Variants in GTSE1 observed in about 807,000 individuals in gnomAD.
The protein encoded by GTSE1 is G2 and S phase-expressed protein 1.
In GTSE1, 52 loss-of-function variants were observed where a neutral mutation model predicts 60.5. The observed-to-expected ratio is 0.86, with a 90% CI of 0.69 to 1.08. The LOEUF (loss-of-function observed/expected upper bound fraction) is 1.08. Among genes scored for constraint, GTSE1 ranks in the 50% least tolerant of loss-of-function variants. The pLI is 0.00. For synonymous variants in GTSE1, 368 were observed against 386.5 expected (o/e 0.95, Z 0.56); for missense variants, 937 against 961.8 (o/e 0.97, Z 0.34).
chr22:46,318,604 A>T lies in GTSE1; in HGVS notation c.1432+2192A>T, dbSNP rs544829929. 6.6e-5 allele frequency among the ~76,000 whole-genome samples: 10 copies of T among 152,254 alleles called. No individual in the cohort carries two copies. The East Asian group carries it at 1.5e-3, about 24-fold the overall frequency. On this transcript the variant is annotated intron_variant, in intron 7 of 11. Transcript: ENST00000454366. This position sits in a 1 kb window ranked among gnomAD's most constrained non-coding sequence, Gnocchi z 4.8. Reference sequence around the variant, plus strand: ...CTTTGGCAAAGATGGTCAGGAGGTGACACGGGACTGAGATCTGAACCAGGA... The same window carrying T: ...CTTTGGCAAAGATGGTCAGGAGGTGTCACGGGACTGAGATCTGAACCAGGA...
intron 8 of GTSE1, 31 bp downstream of exon 8, chr22:46,323,293 A>C (rs748886308): frequency 6.5e-7 from 1 of 1,528,434 alleles, no homozygotes; most frequent in Non-Finnish European, 9.1e-7. Context: ...TCCTCTCTTT[A>C]TTGCTGTAGA....
rs552734773 is a variant in GTSE1 at position 46,321,754 on chromosome 22, G to T, written c.1433-1436G>T. 3.9e-5 allele frequency among the ~76,000 whole-genome samples: 6 copies of T among 152,278 alleles called. No individual in the cohort carries two copies. The highest frequency in any genetic ancestry group is 3.3e-4 in the Admixed American group (5 of 15,284). On this transcript the variant is annotated intron_variant, in intron 7 of 11. Transcript: ENST00000454366. This position sits in a 1 kb window ranked among gnomAD's most constrained non-coding sequence, Gnocchi z 4.0. ...ACCTTCATTTTTAAAAACTGTGCAT[G>T]AGTCACTTTGATAGAGGTGATTTTT...
chr22:46,299,959 A>ATTT (rs130640), intron 2 of GTSE1, among the ~76,000 whole-genome samples: 44 of 100,212 alleles, frequency 4.4e-4, no homozygotes, highest in Middle Eastern at 0.014. Context: ...CGCCCAGCTA[A>ATTT]TTTTTTTTTT....
rs1357540948 is a variant in GTSE1, at chr22:46,304,854, C to T, written c.80-3296C>T. On this transcript the variant is annotated intron_variant, in intron 2 of 11. Coordinates refer to ENST00000454366, the MANE Select transcript of GTSE1 (RefSeq NM_016426.7). This position sits in a 1 kb window ranked among gnomAD's most constrained non-coding sequence, Gnocchi z 4.4. ...ATTAGCCAGGGATGGTTGTGCGTGC[C>T]TGTAGTCCCAGCTACTCGGGAAGCC... Among the ~76,000 whole-genome samples, 2 of 152,234 alleles carry T rather than the reference C, an allele frequency of 1.3e-5. No individual in the cohort carries two copies. Among genetic ancestry groups the T allele is most frequent in the African/African-American group, 2.4e-5 (1 of 41,454 alleles).
Position 46,324,063 on chromosome 22 carries a change from A to C in GTSE1, c.1505+801A>C, listed in dbSNP as rs1224884103. Reference sequence around the variant, plus strand: ...CAGTTTAAGTTCCCGAATGTTGCTGACCTTTTTCCTCACGTCAAGTAGGGA... The same window carrying C: ...CAGTTTAAGTTCCCGAATGTTGCTGCCCTTTTTCCTCACGTCAAGTAGGGA... On this transcript the variant is annotated intron_variant, in intron 8 of 11. Transcript: ENST00000454366. The surrounding 1 kb of genome is among the most constrained non-coding windows in gnomAD (Gnocchi z 5.2). Among the ~76,000 whole-genome samples, 2 of 152,120 alleles carry C rather than the reference A, an allele frequency of 1.3e-5. No individual in the cohort carries two copies. The highest frequency in any genetic ancestry group is 4.8e-5 in the African/African-American group (2 of 41,414).
At chr22:46,301,930 A>AC (rs2077691755) in intron 2 of GTSE1, among the ~76,000 whole-genome samples, 1 of 152,150 alleles carries the variant, frequency 6.6e-6, no homozygotes, top group African/African-American at 2.4e-5. Context: ...GGAGTTCCAG[A>AC]CCAGCCTGAC....
At position 46,309,308 on chromosome 22, in the gene GTSE1, T is replaced by C. The variant is rs1254184405; in HGVS notation, c.762+365T>C. On this transcript the variant is annotated intron_variant, in intron 4 of 11. Transcript: ENST00000454366. This position sits in a 1 kb window ranked among gnomAD's most constrained non-coding sequence, Gnocchi z 6.2. Reference sequence around the variant, plus strand: ...TCCTTGACCGTGCCTCAGTTTACACTGCATTCCTCCTGGGCACTGAGTGAG... The same window carrying C: ...TCCTTGACCGTGCCTCAGTTTACACCGCATTCCTCCTGGGCACTGAGTGAG... 6.6e-6 allele frequency among the ~76,000 whole-genome samples: 1 copy of C among 152,214 alleles called. No individual in the cohort carries two copies. Among genetic ancestry groups the C allele is most frequent in the African/African-American group, 2.4e-5 (1 of 41,456 alleles).
In GTSE1 at chr22:46,297,242, A is replaced by G; in HGVS notation, c.-21-138A>G. On this transcript the variant is annotated intron_variant, in intron 1 of 11. Coordinates refer to ENST00000454366, the MANE Select transcript of GTSE1 (RefSeq NM_016426.7). This position sits in a 1 kb window ranked among gnomAD's most constrained non-coding sequence, Gnocchi z 4.9. ...GGGTCCCCTGGGATGCGATCATTTCAGAGCGGCCCCCGCGCCGCCTCTCCC... is the reference window on the plus strand; with the variant it reads ...GGGTCCCCTGGGATGCGATCATTTCGGAGCGGCCCCCGCGCCGCCTCTCCC... The G allele has an allele frequency of 1.6e-6, 1 of 641,376 alleles. No homozygotes were observed. The highest frequency in any genetic ancestry group is 2.8e-5 in the East Asian group (1 of 35,840). 39.7% of individuals were successfully genotyped at this position (641,376 alleles called of 1,614,324 possible). A position where few individuals can be genotyped will look rare whatever the true frequency, so the allele number is the denominator to read the frequency against.
intron 2 of GTSE1, among the ~76,000 whole-genome samples, chr22:46,298,027 A>G (rs1377218607): frequency 6.6e-6 from 1 of 151,988 alleles, no homozygotes; most frequent in Non-Finnish European, 1.5e-5. Flanking sequence ...CAAAGGCGTG[A>G]TCTGTACTCA....
chr22:46,313,912 TA>T lies in GTSE1; in HGVS notation c.954del (p.Ala319HisfsTer113), dbSNP rs1456302307. On this transcript the variant is annotated frameshift_variant, in exon 6 of 12. Transcript: ENST00000454366. LOFTEE classifies it high-confidence loss of function. This position sits in a 1 kb window ranked among gnomAD's most constrained non-coding sequence, Gnocchi z 4.4. The stretch of plus-strand genomic sequence containing the variant: ...CAGTTGGGGCTGAAGAAGACCCTGT[TA>T]AAAGCACCCGGCTCTACCAGCAATC... ...PNKLGLKKTLLKAPGSTSNLA... is the reference protein window; with the variant it reads ...PNKLGLKKTLXKAPGSTSNLA... The T allele has an allele frequency of 3.1e-6, 5 of 1,614,212 alleles. No individual in the cohort carries two copies. In the Admixed American group the frequency reaches 8.3e-5, roughly 27 times the overall value.
chr22:46,316,466 T>C lies in GTSE1; in HGVS notation c.1432+54T>C, dbSNP rs2077781440. ...TTTAAAAAATACTGAAGAAATTGCATTTAAAGTTTTAAACAATTATTGATG... is the reference window on the plus strand; with the variant it reads ...TTTAAAAAATACTGAAGAAATTGCACTTAAAGTTTTAAACAATTATTGATG... On this transcript the variant is annotated intron_variant, in intron 7 of 11. Transcript: ENST00000454366. This position sits in a 1 kb window ranked among gnomAD's most constrained non-coding sequence, Gnocchi z 5.0. 7.8e-6 allele frequency: 9 copies of C among 1,149,188 alleles called. No individual in the cohort carries two copies. The South Asian group carries it at 1.4e-4, about 18-fold the overall frequency. 71.2% of individuals were successfully genotyped at this position (1,149,188 alleles called of 1,614,324 possible). A position where few individuals can be genotyped will look rare whatever the true frequency, so the allele number is the denominator to read the frequency against.
rs1190939494 is a variant in GTSE1 at position 46,310,898 on chromosome 22, C to G, written c.763-1243C>G. ...TGAGCCAAGATGGCACCACTGAAAA[C>G]ATTTTGCTCAGTGAGAGAGGCCATA... On this transcript the variant is annotated intron_variant, in intron 4 of 11. Coordinates refer to ENST00000454366, the MANE Select transcript of GTSE1 (RefSeq NM_016426.7). This position sits in a 1 kb window ranked among gnomAD's most constrained non-coding sequence, Gnocchi z 4.4. Among the ~76,000 whole-genome samples, 7 of 152,110 alleles carry G rather than the reference C, an allele frequency of 4.6e-5. No homozygotes were observed. Among genetic ancestry groups the G allele is most frequent in the Non-Finnish European group, 8.8e-5 (6 of 68,026 alleles).
rs189478168 is a variant in GTSE1, at chr22:46,320,268, C to T, written c.1433-2922C>T. 5.9e-5 allele frequency among the ~76,000 whole-genome samples: 9 copies of T among 152,350 alleles called. No individual in the cohort carries two copies. Among genetic ancestry groups the T allele is most frequent in the Admixed American group, 1.3e-4 (2 of 15,304 alleles). ...CCCTGTTTCCCAGAGCGTGTCCCTG[C>T]GGTCTCCTTACGCACCTCTCAGATG... On this transcript the variant is annotated intron_variant, in intron 7 of 11. Coordinates refer to ENST00000454366, the MANE Select transcript of GTSE1 (RefSeq NM_016426.7). This position sits in a 1 kb window ranked among gnomAD's most constrained non-coding sequence, Gnocchi z 7.1.
At position 46,328,767 on chromosome 22, in the gene GTSE1, T is replaced by C. The variant is rs1363794774; in HGVS notation, c.1804T>C (p.Ser602Pro). ...DVSPDRGSPP[S>P]RVPQALNFSP... ...GTCCCCTGACAGGGGTTCTCCTCCT[T>C]CCCGTGTGCCTCAGGCACTTAACTT... Residue 602 changes from serine to proline, a missense_variant, in exon 10 of 12, where the codon TCC becomes CCC. Physicochemically the swap from Ser to Pro is moderately conservative, Grantham distance 74. Coordinates refer to ENST00000454366, the MANE Select transcript of GTSE1 (RefSeq NM_016426.7). The C allele has an allele frequency of 6.2e-7, 1 of 1,613,678 alleles. No individual in the cohort carries two copies. The highest frequency in any genetic ancestry group is 8.5e-7 in the Non-Finnish European group (1 of 1,179,528).
At position 46,308,802 on chromosome 22, in the gene GTSE1, C is replaced by T. The variant is rs768641304; in HGVS notation, c.621C>T (p.His207=). Residue 207 remains histidine, a synonymous_variant, in exon 4 of 12, where the codon CAC becomes CAT. Coordinates refer to ENST00000454366, the MANE Select transcript of GTSE1 (RefSeq NM_016426.7). ...ARLTRAPGPP[H]SAHALPRESC... ...TCACCCGGGCGCCGGGGCCTCCGCA[C>T]TCTGCTCATGCTTTGCCCAGGGAAT... The T allele has an allele frequency of 1.2e-6, 2 of 1,613,160 alleles. No homozygotes were observed. Among genetic ancestry groups the T allele is most frequent in the East Asian group, 2.2e-5 (1 of 44,900 alleles).
rs1443753335 is a variant in GTSE1, at chr22:46,317,293, G to A, written c.1432+881G>A. Among the ~76,000 whole-genome samples the A allele has an allele frequency of 6.6e-6, 1 of 152,100 alleles. No homozygotes were observed. Among genetic ancestry groups the A allele is most frequent in the African/African-American group, 2.4e-5 (1 of 41,424 alleles). Reference sequence around the variant, plus strand: ...AGCCTTTTTCCTTGAGCTACAGTTTGGGTAGTTTCTGTTGTCAGATATCAT... The same window carrying A: ...AGCCTTTTTCCTTGAGCTACAGTTTAGGTAGTTTCTGTTGTCAGATATCAT... On this transcript the variant is annotated intron_variant, in intron 7 of 11. Coordinates refer to ENST00000454366, the MANE Select transcript of GTSE1 (RefSeq NM_016426.7). The surrounding 1 kb of genome is among the most constrained non-coding windows in gnomAD (Gnocchi z 5.6).
intron 4 of GTSE1, among the ~76,000 whole-genome samples, chr22:46,311,628 T>A (rs2077749227): frequency 1.3e-5 from 2 of 152,220 alleles, no homozygotes; most frequent in Non-Finnish European, 2.9e-5. Flanking sequence ...TATGTAAGTA[T>A]AAATTAGTTC....
rs1382843026 is a variant in GTSE1, at chr22:46,324,214, G to A, written c.1505+952G>A. Among the ~76,000 whole-genome samples, 1 of 152,152 alleles carries A rather than the reference G, an allele frequency of 6.6e-6. No homozygotes were observed. The highest frequency in any genetic ancestry group is 1.5e-5 in the Non-Finnish European group (1 of 68,034). On this transcript the variant is annotated intron_variant, in intron 8 of 11. Transcript: ENST00000454366. The surrounding 1 kb of genome is among the most constrained non-coding windows in gnomAD (Gnocchi z 5.2). The stretch of plus-strand genomic sequence containing the variant: ...GCCAGTCCCTCACGTGCTGCGCATG[G>A]TGCCATGCTAAGCTGCCGTCCCTCC...
At chr22:46,325,170 G>A (rs1382910118) in intron 8 of GTSE1, among the ~76,000 whole-genome samples, 1 of 152,070 alleles carries the variant, frequency 6.6e-6, no homozygotes, top group Admixed American at 6.6e-5. Flanking sequence ...CTGGGTTAGG[G>A]GTGAACAAGT....
Sources: allele counts gnomAD v4.1 joint callset (sites outside exome capture counted in the v4.1 genomes callset), GRCh38; gene constraint gnomAD v4.1.1; non-coding constraint Gnocchi (gnomAD v3.1); transcripts MANE v1.5; gene names NCBI Gene and HGNC (gene_info 2026-07-23, HGNC 2026-07-21).